The following CCDC7 variants were observed in gnomAD, a reference collection of about 807,000 sequenced individuals.
The protein encoded by CCDC7 is coiled-coil domain containing 7.
CCDC7 carries 183 observed loss-of-function variants against 196.9 expected under a neutral mutation model. That is an observed-to-expected ratio of 0.93 (90% CI 0.82 to 1.05). CCDC7 has a LOEUF of 1.05. CCDC7 is among the 50% of genes least tolerant of loss of function. The pLI is 0.00. For synonymous variants in CCDC7, 525 were observed against 484.6 expected, an observed-to-expected ratio of 1.08 and a Z score of -1.10; for missense variants, 1,540 against 1,482.2, an observed-to-expected ratio of 1.04 and a Z score of -0.64.
intron 26 of CCDC7, among the ~76,000 whole-genome samples, chr10:32,728,406 C>T (rs2083433566): frequency 2.0e-5 from 3 of 152,140 alleles, no homozygotes; most frequent in Admixed American, 2.0e-4. Flanking sequence ...TCTGGCAACT[C>T]TCAGCCCCAT....
At chr10:32,871,578 G>A (rs1422271468) in intron 41 of CCDC7, among the ~76,000 whole-genome samples, 1 of 151,384 alleles carries the variant, frequency 6.6e-6, no homozygotes, top group Admixed American at 6.6e-5. Flanking sequence ...TTTTTTGAAG[G>A]GTTTTTTGTG....
chr10:32,544,352 G>T, intron 13 of CCDC7, 51 bp downstream of exon 14: 1 of 1,547,592 alleles, frequency 6.5e-7, no homozygotes, highest in African/African-American at 1.4e-5. Flanking sequence ...TACTTGCTCT[G>T]ATAGTCATAT....
chr10:32,536,096 C>T (rs1432492502), intron 11 of CCDC7, among the ~76,000 whole-genome samples: 1 of 152,152 alleles, frequency 6.6e-6, no homozygotes, highest in Non-Finnish European at 1.5e-5. Flanking sequence ...TGCTAGTTTA[C>T]TCTAGAAGTA....
At chr10:32,535,756 G>T (rs181556325) in intron 11 of CCDC7, among the ~76,000 whole-genome samples, 1 of 152,192 alleles carries the variant, frequency 6.6e-6, no homozygotes, top group Admixed American at 6.5e-5. Context: ...TCAAGGTTGG[G>T]AGGAAAGGGG....
downstream of CCDC7, among the ~76,000 whole-genome samples, chr10:32,882,001 AG>A (rs1270944342): frequency 6.6e-6 from 1 of 152,216 alleles, no homozygotes; most frequent in Admixed American, 6.5e-5. Context: ...TGGACTCTAC[AG>A]ACAATGAGTT....
At chr10:32,854,009 G>A (rs2093660078) in intron 40 of CCDC7, among the ~76,000 whole-genome samples, 1 of 152,132 alleles carries the variant, frequency 6.6e-6, no homozygotes, top group African/African-American at 2.4e-5. Flanking sequence ...GTGCCCAATA[G>A]GCAGTTTTTC....
In CCDC7 at chr10:32,846,626, C is replaced by T. The variant is rs145007320; in HGVS notation, c.3688+167C>T. ...GCTCTAGCATTTACTATCAGTGGAA[C>T]ATTAGCATATTATTGGTTTTAAAAC... On this transcript the variant is annotated intron_variant, in intron 37 of 41. Transcript: ENST00000639629. Among the ~76,000 whole-genome samples, 902 of 152,236 alleles carry T rather than the reference C, an allele frequency of 5.9e-3. 9 individuals are homozygous for T. Among genetic ancestry groups the T allele is most frequent in the African/African-American group, 0.021 (860 of 41,536 alleles).
intron 33 of CCDC7, among the ~76,000 whole-genome samples, chr10:32,838,399 G>A (rs1022173603): frequency 3.3e-5 from 5 of 151,982 alleles, no homozygotes; most frequent in African/African-American, 9.7e-5. Flanking sequence ...TTCAGAGCTC[G>A]ATGACAAGGG....
chr10:32,628,518 C>G (rs1205581383), intron 18 of CCDC7, among the ~76,000 whole-genome samples: 2 of 151,806 alleles, frequency 1.3e-5, no homozygotes. Context: ...CTGCTCTAAT[C>G]TTTATTATTT....
At chr10:32,656,062 A>ACCT (rs1439012869) in intron 20 of CCDC7, among the ~76,000 whole-genome samples, 2 of 114,220 alleles carry the variant, frequency 1.8e-5, no homozygotes, top group African/African-American at 7.7e-5. Flanking sequence ...GTTTGATACA[A>ACCT]TCTTATTCTA....
intron 20 of CCDC7, among the ~76,000 whole-genome samples, chr10:32,657,653 G>C (rs1242766383): frequency 1.3e-5 from 2 of 152,200 alleles, no homozygotes; most frequent in Admixed American, 1.3e-4. Context: ...CTGGGCCTGT[G>C]ATGGGAGGGG....
intron 24 of CCDC7, among the ~76,000 whole-genome samples, chr10:32,708,678 C>G (rs1180804361): frequency 6.6e-6 from 1 of 152,226 alleles, no homozygotes; most frequent in African/African-American, 2.4e-5. Flanking sequence ...ACAGACACTT[C>G]TCAAAAGGAG....
At chr10:32,748,808 A>C (rs748143507) in intron 28 of CCDC7, among the ~76,000 whole-genome samples, 7 of 152,180 alleles carry the variant, frequency 4.6e-5, no homozygotes, top group Non-Finnish European at 8.8e-5. Flanking sequence ...GGCTCTGGTA[A>C]AAAGTACGTG....
chr10:32,673,685 G>GTC (rs1565079961), intron 21 of CCDC7, among the ~76,000 whole-genome samples: 1 of 150,000 alleles, frequency 6.7e-6, no homozygotes, highest in Non-Finnish European at 1.5e-5. Flanking sequence ...GTGTGTGTGT[G>GTC]TGTAGTTTAG....
At chr10:32,667,375 T>G (rs1218218812) in intron 21 of CCDC7, among the ~76,000 whole-genome samples, 1 of 152,190 alleles carries the variant, frequency 6.6e-6, no homozygotes, top group African/African-American at 2.4e-5. Context: ...TCAGTTTAAT[T>G]AGATCCCATT....
At chr10:32,602,382 C>A (rs1282515627) in intron 18 of CCDC7, among the ~76,000 whole-genome samples, 1 of 152,234 alleles carries the variant, frequency 6.6e-6, no homozygotes, top group Middle Eastern at 3.4e-3. Context: ...TTGAAGTCAG[C>A]GAGACCAAGG....
chr10:32,838,962 A>G (rs1159854804), intron 33 of CCDC7, among the ~76,000 whole-genome samples: 1 of 152,030 alleles, frequency 6.6e-6, no homozygotes, highest in Non-Finnish European at 1.5e-5. Context: ...CCTAGCCAGT[A>G]CTATAAGAAC....
At chr10:32,853,147 C>T (rs2093625562) in intron 40 of CCDC7, among the ~76,000 whole-genome samples, 1 of 151,730 alleles carries the variant, frequency 6.6e-6, no homozygotes, top group Admixed American at 6.6e-5. Context: ...CCTGGTTTTT[C>T]CTATAATTTG....
chr10:32,518,641 A>G, intron 11 of CCDC7, 136 bp downstream of exon 12: 4 of 673,450 alleles, frequency 5.9e-6, no homozygotes, highest in Non-Finnish European at 8.6e-6. Flanking sequence ...ATGCTTTAAA[A>G]ATAAAATTAT....
Sources: allele counts gnomAD v4.1 joint callset (sites outside exome capture counted in the v4.1 genomes callset), GRCh38; gene constraint gnomAD v4.1.1; transcripts MANE v1.5; gene names NCBI Gene and HGNC (gene_info 2026-07-23, HGNC 2026-07-21).